The following HDAC4 variants were observed in gnomAD, a reference collection of about 807,000 sequenced individuals.
HDAC4 encodes histone deacetylase 4.
In HDAC4, 16 loss-of-function variants were observed where a neutral mutation model predicts 135.1. The observed-to-expected ratio is 0.12, with a 90% CI of 0.08 to 0.18. The LOEUF (loss-of-function observed/expected upper bound fraction) is 0.18, where lower values mean the gene tolerates loss of function less well. Among genes scored for constraint, HDAC4 ranks in the 10% least tolerant of loss-of-function variants. The pLI is 1.00. For missense variants in HDAC4, 1,143 were observed against 1,511.8 expected, an observed-to-expected ratio of 0.76 and a Z score of 4.05; for synonymous variants, 685 against 653.4, an observed-to-expected ratio of 1.05 and a Z score of -0.74.
chr2:239,355,802 T>C (rs539045275), intron 1 of HDAC4, among the ~76,000 whole-genome samples: 1 of 152,324 alleles, frequency 6.6e-6, no homozygotes, highest in African/African-American at 2.4e-5. Flanking sequence ...TGTTCTGTGT[T>C]CACTTTAATA....
At position 239,306,521 on chromosome 2, in the gene HDAC4, G is replaced by A. The variant is rs1283240522; in HGVS notation, c.22+46157C>T. Among the ~76,000 whole-genome samples the A allele has an allele frequency of 6.6e-6, 1 of 152,096 alleles. No homozygotes were observed. The highest frequency in any genetic ancestry group is 2.4e-5 in the African/African-American group (1 of 41,412). On this transcript the variant is annotated intron_variant, in intron 2 of 26. Coordinates refer to ENST00000543185, the MANE Select transcript of HDAC4 (RefSeq NM_001378414.1). This position sits in a 1 kb window ranked among gnomAD's most constrained non-coding sequence, Gnocchi z 4.5. ...GCCCGTAGAGCCATCAAATCATCTG[G>A]GCCCCGACACACTTGTTTCGTACCT...
chr2:239,268,090 G>A (rs2049850372), intron 2 of HDAC4, among the ~76,000 whole-genome samples: 1 of 152,276 alleles, frequency 6.6e-6, no homozygotes, highest in Non-Finnish European at 1.5e-5. Context: ...TTTGAGAGGG[G>A]TTTAAATTCA....
intron 12 of HDAC4, among the ~76,000 whole-genome samples, chr2:239,118,260 G>A (rs758908195): frequency 2.0e-5 from 3 of 152,212 alleles, no homozygotes; most frequent in Non-Finnish European, 4.4e-5. Flanking sequence ...AGTAAAAGCC[G>A]AGTGAAGAAA....
intron 2 of HDAC4, among the ~76,000 whole-genome samples, chr2:239,250,941 C>T (rs2048751257): frequency 6.6e-6 from 1 of 152,322 alleles, no homozygotes; most frequent in South Asian, 2.1e-4. Context: ...CGTGTGTTCA[C>T]GTGCCCCCGC....
In HDAC4 at chr2:239,245,549, T is replaced by A. The variant is rs1259142143; in HGVS notation, c.23-8885A>T. 1.3e-5 allele frequency among the ~76,000 whole-genome samples: 2 copies of A among 152,246 alleles called. No individual in the cohort carries two copies. The highest frequency in any genetic ancestry group is 3.9e-4 in the East Asian group (2 of 5,174). On this transcript the variant is annotated intron_variant, in intron 2 of 26. Transcript: ENST00000543185. The surrounding 1 kb of genome is among the most constrained non-coding windows in gnomAD (Gnocchi z 4.4). Reference sequence around the variant, plus strand: ...GATCTGTTAGAAACACACATTCAAGTATTTAAGGGATGGTGCTGTGGCCTC... The same window carrying A: ...GATCTGTTAGAAACACACATTCAAGAATTTAAGGGATGGTGCTGTGGCCTC...
At chr2:239,396,887 T>A (rs1389272362) in intron 1 of HDAC4, among the ~76,000 whole-genome samples, 1 of 152,244 alleles carries the variant, frequency 6.6e-6, no homozygotes, top group East Asian at 1.9e-4. Context: ...CCGGCTGAAG[T>A]GGACTTGGAG....
chr2:239,263,892 C>A (rs544142416), intron 2 of HDAC4, among the ~76,000 whole-genome samples: 1 of 152,344 alleles, frequency 6.6e-6, no homozygotes, highest in African/African-American at 2.4e-5. Flanking sequence ...TGCCCCTTCT[C>A]TGCAGAGGGG....
At chr2:239,365,471 C>T (rs1314285080) in intron 1 of HDAC4, among the ~76,000 whole-genome samples, 2 of 152,246 alleles carry the variant, frequency 1.3e-5, no homozygotes, top group African/African-American at 4.8e-5. Flanking sequence ...CTGATTCCCC[C>T]ACCCTCTGAT....
Position 239,140,731 on chromosome 2 carries a change from G to A in HDAC4, c.866-935C>T, listed in dbSNP as rs527848429. The A allele has an allele frequency of 6.1e-5, 17 of 278,712 alleles. 1 individual carries two copies. The highest frequency in any genetic ancestry group is 4.7e-4 in the South Asian group (16 of 34,036). The allele number at this position is 278,712 out of a possible 1,614,324, so 17.3% of individuals were successfully genotyped here. On this transcript the variant is annotated intron_variant, in intron 8 of 26. Transcript: ENST00000543185. ...CAGGTCAGAAGGAAGGGACATGGTG[G>A]GGGCCCTGGAGGGGAGGTTAAGGGA...
At chr2:239,216,837 C>T (rs891897612) in intron 3 of HDAC4, among the ~76,000 whole-genome samples, 9 of 152,198 alleles carry the variant, frequency 5.9e-5, no homozygotes, top group South Asian at 2.1e-4. Context: ...CCGCCATACT[C>T]GGCATCTTTC....
At position 239,115,238 on chromosome 2, in the gene HDAC4, C is replaced by T; in HGVS notation, c.1606G>A (p.Glu536Lys). 1.9e-6 allele frequency: 3 copies of T among 1,612,774 alleles called. No homozygotes were observed. The highest frequency in any genetic ancestry group is 2.5e-6 in the Non-Finnish European group (3 of 1,179,698). Residue 536 changes from glutamate to lysine, a missense_variant, in exon 13 of 27, where the codon GAG becomes AAG. Coordinates refer to ENST00000543185, the MANE Select transcript of HDAC4 (RefSeq NM_001378414.1). The surrounding 1 kb of genome is among the most constrained non-coding windows in gnomAD (Gnocchi z 6.3). The stretch of plus-strand genomic sequence containing the variant: ...GGCTCGTCCAGCAGAGCCTGGTGCT[C>T]ACGGAGCTCCTCCTCCGTCTCCTCC... ...HPEETEEELR[E>K]HQALLDEPYL...
chr2:239,080,183 C>T (rs1458404199), intron 22 of HDAC4, among the ~76,000 whole-genome samples: 1 of 152,090 alleles, frequency 6.6e-6, no homozygotes, highest in Non-Finnish European at 1.5e-5. Flanking sequence ...CACATCCATA[C>T]ACAGACACAT....
At chr2:239,301,084 G>A (rs141693116) in intron 2 of HDAC4, among the ~76,000 whole-genome samples, 8 of 152,304 alleles carry the variant, frequency 5.3e-5, no homozygotes, top group African/African-American at 1.7e-4. Flanking sequence ...CAGCCCCGGC[G>A]GGGAGCAAGG....
In HDAC4 at chr2:239,299,496, G is replaced by A. The variant is rs188763718; in HGVS notation, c.22+53182C>T. Reference sequence around the variant, plus strand: ...CCGAAACCAGAAGAGACATGCACACGAGGCAGGGCGAGTGGTGTTTATTAC... The same window carrying A: ...CCGAAACCAGAAGAGACATGCACACAAGGCAGGGCGAGTGGTGTTTATTAC... On this transcript the variant is annotated intron_variant, in intron 2 of 26. Coordinates refer to ENST00000543185, the MANE Select transcript of HDAC4 (RefSeq NM_001378414.1). The surrounding 1 kb of genome is among the most constrained non-coding windows in gnomAD (Gnocchi z 4.0). 4.0e-5 allele frequency among the ~76,000 whole-genome samples: 6 copies of A among 151,632 alleles called. No homozygotes were observed. Among genetic ancestry groups the A allele is most frequent in the African/African-American group, 7.3e-5 (3 of 41,174 alleles).
chr2:239,396,872 C>T (rs1277961681), intron 1 of HDAC4, among the ~76,000 whole-genome samples: 3 of 152,232 alleles, frequency 2.0e-5, no homozygotes, highest in African/African-American at 7.2e-5. Context: ...ACACTAAAAG[C>T]TGCTCCGGCT....
chr2:239,147,233 A>C (rs1245164401), intron 7 of HDAC4, among the ~76,000 whole-genome samples: 1 of 152,234 alleles, frequency 6.6e-6, no homozygotes, highest in Admixed American at 6.5e-5. Flanking sequence ...TAGGGGGCAG[A>C]AGGCAGCCGG....
At chr2:239,274,689 G>GCACAGTGCA (rs2050250362) in intron 2 of HDAC4, among the ~76,000 whole-genome samples, 1 of 152,210 alleles carries the variant, frequency 6.6e-6, no homozygotes, top group Non-Finnish European at 1.5e-5. Context: ...CCTCCACGGC[G>GCACAGTGCA]GGGCTCTCTC....
Position 239,052,904 on chromosome 2 carries a change from C to T in HDAC4, c.*193G>A, listed in dbSNP as rs2031087714. On this transcript the variant is annotated 3_prime_UTR_variant, in exon 27 of 27. Coordinates refer to ENST00000543185, the MANE Select transcript of HDAC4 (RefSeq NM_001378414.1). The stretch of plus-strand genomic sequence containing the variant: ...GTGTTCCCTGTGAGGCTGCCACGCC[C>T]AGGCGTGCATGTGCGTCTCGAGACC... 1 of 651,844 alleles carries T rather than the reference C, an allele frequency of 1.5e-6. No individual in the cohort carries two copies. The highest frequency in any genetic ancestry group is 2.8e-6 in the Non-Finnish European group (1 of 362,758). The allele number at this position is 651,844 out of a possible 1,614,324, so 40.4% of individuals were successfully genotyped here.
chr2:239,375,273 C>T (rs1310833121), intron 1 of HDAC4, among the ~76,000 whole-genome samples: 1 of 152,160 alleles, frequency 6.6e-6, no homozygotes, highest in Non-Finnish European at 1.5e-5. Flanking sequence ...CCAGAGCCTG[C>T]TTGGTCTCTC....
Sources: gnomAD v4.1 joint callset for allele counts (sites outside exome capture counted in the v4.1 genomes callset) on GRCh38, gnomAD v4.1.1 for gene constraint, Gnocchi (gnomAD v3.1) non-coding constraint, MANE v1.5 for transcripts, NCBI Gene and HGNC (gene_info 2026-07-23, HGNC 2026-07-21) for gene names.